The following BOP1 variants were observed in gnomAD, a reference collection of about 807,000 sequenced individuals.
BOP1 encodes ribosome biogenesis protein BOP1.
In BOP1, 54 loss-of-function variants were observed where a neutral mutation model predicts 82.9. That is an observed-to-expected ratio of 0.65 (90% confidence interval 0.52 to 0.82). The LOEUF (loss-of-function observed/expected upper bound fraction) is 0.82, where lower values mean the gene tolerates loss of function less well. BOP1 is among the 40% of genes least tolerant of loss of function. The pLI is 0.00. For synonymous variants in BOP1, 566 were observed against 451.1 expected, an observed-to-expected ratio of 1.25 and a Z score of -3.23; for missense variants, 1,170 against 1,072.0, an observed-to-expected ratio of 1.09 and a Z score of -1.28.
chr8:144,288,389 G>A (rs529599324), intron 2 of BOP1, among the ~76,000 whole-genome samples: 3 of 150,946 alleles, frequency 2.0e-5, no homozygotes, highest in Non-Finnish European at 2.9e-5. Context: ...TTAGCCGGGC[G>A]TGATGGCATG....
At chr8:144,268,993 G>A (rs1384141052) in intron 3 of BOP1, among the ~76,000 whole-genome samples, 2 of 152,150 alleles carry the variant, frequency 1.3e-5, no homozygotes, top group African/African-American at 2.4e-5. Context: ...CTGCCTCCAC[G>A]AGCCTTGACT....
chr8:144,277,850 T>G (rs1011856263), intron 2 of BOP1, among the ~76,000 whole-genome samples: 2 of 68,900 alleles, frequency 2.9e-5, no homozygotes, highest in Non-Finnish European at 4.2e-5. Flanking sequence ...GGGAACTGCC[T>G]GACCTAGAAG....
rs1845234998 is a variant in BOP1 at position 144,262,641 on chromosome 8, G to A, written c.1926C>T (p.Ser642=). ...GDNVICGSYD[S]KLVWFDLDLS... ...GATCCAGGTCAAACCACACCAGCTTGCTATCGTAGCTCCCACAGATGACGT... is the reference window on the plus strand; with the variant it reads ...GATCCAGGTCAAACCACACCAGCTTACTATCGTAGCTCCCACAGATGACGT... Residue 642 remains serine (S), a synonymous_variant, in exon 14 of 16, where the codon AGC becomes AGT. Coordinates refer to ENST00000569669, the MANE Select transcript of BOP1 (RefSeq NM_015201.5). 6.2e-7 allele frequency: 1 copy of A among 1,613,274 alleles called. No homozygotes were observed. Among genetic ancestry groups the A allele is most frequent in the African/African-American group, 1.3e-5 (1 of 74,840 alleles).
intron 3 of BOP1, chr8:144,267,202 C>G: frequency 6.7e-7 from 1 of 1,495,218 alleles, no homozygotes; most frequent in Non-Finnish European, 8.8e-7. Flanking sequence ...CCGTGGGGCG[C>G]CGAGGGGGGC....
chr8:144,263,182 C>T, intron 12 of BOP1, 39 bp downstream of exon 12: 1 of 1,592,158 alleles, frequency 6.3e-7, no homozygotes, highest in Non-Finnish European at 8.5e-7. Context: ...GAGCCGGGCC[C>T]CTCCCGCTGC....
intron 2 of BOP1, among the ~76,000 whole-genome samples, chr8:144,284,096 G>A (rs145951062): frequency 0.11 from 16,069 of 152,082 alleles, 990 homozygotes; most frequent in Non-Finnish European, 0.14. Context: ...CAGCCTGGGC[G>A]ACAGAGCGAG....
At chr8:144,279,099 C>T (rs1261609497) in intron 2 of BOP1, among the ~76,000 whole-genome samples, 1 of 40,776 alleles carries the variant, frequency 2.5e-5, no homozygotes, top group African/African-American at 1.2e-4. Context: ...AGGGCCATGA[C>T]CGTCACGGGC....
chr8:144,280,525 C>T (rs1487623815), intron 2 of BOP1, among the ~76,000 whole-genome samples: 1 of 152,266 alleles, frequency 6.6e-6, no homozygotes, highest in Non-Finnish European at 1.5e-5. Flanking sequence ...CAAGAGTGTG[C>T]ATTATGCTCC....
chr8:144,285,188 G>A (rs1178866832), intron 2 of BOP1, among the ~76,000 whole-genome samples: 1 of 152,232 alleles, frequency 6.6e-6, no homozygotes, highest in Non-Finnish European at 1.5e-5. Context: ...GCACCATCGG[G>A]GCCGGGTATA....
rs1160618575 is a variant in BOP1, at chr8:144,262,465, G to T, written c.2018C>A (p.Pro673Gln). 2 of 1,612,882 alleles carry T rather than the reference G, an allele frequency of 1.2e-6. No homozygotes were observed. Among genetic ancestry groups the T allele is most frequent in the Admixed American group, 3.3e-5 (2 of 60,010 alleles). Residue 673 changes from proline to glutamine, a missense_variant, in exon 15 of 16, where the codon CCG (proline) becomes CAG (glutamine). Coordinates refer to ENST00000569669, the MANE Select transcript of BOP1 (RefSeq NM_015201.5). ...GCCTGACGCAAAGAGTGGGTACCGC[G>T]GGTGGAAGGCCACAGCCCGCAGAGC... ...KKALRAVAFH[P>Q]RYPLFASGSD...
chr8:144,267,449 C>T (rs1405525876), intron 3 of BOP1, among the ~76,000 whole-genome samples: 2 of 152,240 alleles, frequency 1.3e-5, no homozygotes, highest in African/African-American at 4.8e-5. Context: ...AAGGGGCCCA[C>T]CCAGGGCGGG....
chr8:144,265,874 A>G, intron 3 of BOP1: 1 of 152,980 alleles, frequency 6.5e-6, no homozygotes, highest in Non-Finnish European at 1.5e-5. Context: ...GGAACGGGGG[A>G]AGGAGGAAGG....
At chr8:144,278,980 C>T (rs1362078539) in intron 2 of BOP1, among the ~76,000 whole-genome samples, 1 of 152,230 alleles carries the variant, frequency 6.6e-6, no homozygotes, top group Non-Finnish European at 1.5e-5. Flanking sequence ...GGGGCAGGAG[C>T]CCAAGAGTGG....
rs1033281227 is a variant in BOP1, at chr8:144,264,635, G to A, written c.664-19C>T. 2.8e-5 allele frequency: 44 copies of A among 1,580,228 alleles called. No homozygotes were observed. In the Admixed American group the frequency reaches 4.3e-4, roughly 16 times the overall value. ...CAGCCGGCTGGGGGAGAAGATGTGG[G>A]CGTGTGGGCCAGAGTGGCTGAGGCC... On this transcript the variant is annotated intron_variant, in intron 5 of 15. Transcript: ENST00000569669.
chr8:144,289,463 C>G (rs554659814), intron 1 of BOP1, among the ~76,000 whole-genome samples, 159 bp from the exon 2 acceptor site: 2 of 152,340 alleles, frequency 1.3e-5, no homozygotes, highest in Non-Finnish European at 2.9e-5. Flanking sequence ...CCAAAAGCAT[C>G]CACCCAACCT....
intron 3 of BOP1, among the ~76,000 whole-genome samples, chr8:144,273,617 G>A (rs1363481018): frequency 3.9e-5 from 6 of 152,260 alleles, no homozygotes; most frequent in East Asian, 1.9e-4. Flanking sequence ...AAATCAAAGC[G>A]GAGGGGCTGC....
At chr8:144,266,893 G>T in intron 3 of BOP1, 1 of 1,519,784 alleles carries the variant, frequency 6.6e-7, no homozygotes. Context: ...CGTGAACACG[G>T]CCTTCACGGC....
At chr8:144,281,136 A>T (rs1367448668) in intron 2 of BOP1, among the ~76,000 whole-genome samples, 12 of 89,188 alleles carry the variant, frequency 1.3e-4, no homozygotes, top group East Asian at 6.0e-4. Flanking sequence ...ACCAGGTCTT[A>T]GGCCTTCTCT....
Position 144,266,453 on chromosome 8 carries a change from G to A in BOP1, c.391-1382C>T, listed in dbSNP as rs1190765424. ...AAGGCGCAGCTCGGGGCCCCGCTCC[G>A]GCCCGGGACGCACATGTGCGCGCGA... On this transcript the variant is annotated intron_variant, in intron 3 of 15. Coordinates refer to ENST00000569669, the MANE Select transcript of BOP1 (RefSeq NM_015201.5). 1,962 of 966,824 alleles carry A rather than the reference G, an allele frequency of 2.0e-3. 36 individuals carry two copies. The African/African-American group carries it at 0.031, about 15-fold the overall frequency. The allele number at this position is 966,824 out of a possible 1,614,324, so 59.9% of individuals were successfully genotyped here.
Sources: gnomAD v4.1 joint callset for allele counts (sites outside exome capture counted in the v4.1 genomes callset) on GRCh38, gnomAD v4.1.1 for gene constraint, MANE v1.5 for transcripts, NCBI Gene and HGNC (gene_info 2026-07-23, HGNC 2026-07-21) for gene names.